SMAP1: variants seen among roughly 807,000 people sequenced by gnomAD.
SMAP1 encodes the protein stromal membrane-associated protein 1.
In SMAP1, 24 loss-of-function variants were observed where a neutral mutation model predicts 58.5. The observed-to-expected ratio is 0.41, with a 90% confidence interval of 0.30 to 0.58. The LOEUF is 0.58. Ranked by LOEUF, SMAP1 falls within the 20% of genes least tolerant of loss-of-function variation. SMAP1 has a pLI of 0.29. For missense variants in SMAP1, 563 were observed against 566.3 expected (o/e 0.99, Z 0.06); for synonymous variants, 216 against 196.6 (o/e 1.10, Z -0.82).
At chr6:70,723,108 GT>G (rs1768603615) in intron 1 of SMAP1, among the ~76,000 whole-genome samples, 1 of 152,078 alleles carries the variant, frequency 6.6e-6, no homozygotes, top group Non-Finnish European at 1.5e-5. Flanking sequence ...AGACTCTTTT[GT>G]TTGTTTGTTT....
At chr6:70,689,165 C>A (rs576347688) in intron 1 of SMAP1, among the ~76,000 whole-genome samples, 1 of 151,982 alleles carries the variant, frequency 6.6e-6, no homozygotes, top group Non-Finnish European at 1.5e-5. Flanking sequence ...TGCGCCACCA[C>A]GCCTGGCTAA....
At chr6:70,805,613 T>G (rs1372779624) in intron 6 of SMAP1, among the ~76,000 whole-genome samples, 1 of 152,198 alleles carries the variant, frequency 6.6e-6, no homozygotes, top group Admixed American at 6.5e-5. Flanking sequence ...GCTTTTCTGC[T>G]CTGGTTTCTT....
intron 1 of SMAP1, among the ~76,000 whole-genome samples, chr6:70,671,898 AG>A (rs917815706): frequency 2.0e-5 from 3 of 152,166 alleles, no homozygotes; most frequent in Non-Finnish European, 4.4e-5. Flanking sequence ...ATCTTTTGCT[AG>A]GTTTGATTTT....
intron 3 of SMAP1, among the ~76,000 whole-genome samples, chr6:70,758,986 T>A (rs1160453761): frequency 6.6e-6 from 1 of 151,988 alleles, no homozygotes; most frequent in East Asian, 1.9e-4. Context: ...GAAACATGAG[T>A]CTGGACCCTA....
chr6:70,773,381 G>T lies in SMAP1; in HGVS notation c.370G>T (p.Glu124Ter). Residue 124 changes from glutamate to a stop codon, truncating the protein, a stop_gained, in exon 4 of 11, where the codon GAA (glutamate) becomes TAA (stop). Coordinates refer to ENST00000370455, the MANE Select transcript of SMAP1 (RefSeq NM_001044305.3). LOFTEE classifies it high-confidence loss of function. ...AVEFFIRDKY[E>*]KKKYYDKNAI... ...GGAATTTTTCATCAGAGATAAATAT[G>T]AAAAGAAGAAATACTACGATAAAAA... The T allele has an allele frequency of 1.3e-6, 2 of 1,572,296 alleles. No individual in the cohort carries two copies. The highest frequency in any genetic ancestry group is 1.7e-6 in the Non-Finnish European group (2 of 1,150,000).
At chr6:70,756,196 G>A (rs1766483161) in intron 3 of SMAP1, among the ~76,000 whole-genome samples, 2 of 152,102 alleles carry the variant, frequency 1.3e-5, no homozygotes, top group African/African-American at 4.8e-5. Context: ...TCTGTTTGAA[G>A]GTAACATTTG....
chr6:70,681,464 C>T (rs1370653975), intron 1 of SMAP1, among the ~76,000 whole-genome samples: 4 of 152,136 alleles, frequency 2.6e-5, no homozygotes, highest in Non-Finnish European at 5.9e-5. Flanking sequence ...ATGTTGTTTA[C>T]TTCTTTCGCT....
At chr6:70,824,432 G>C (rs1196127975) in intron 6 of SMAP1, among the ~76,000 whole-genome samples, 1 of 151,980 alleles carries the variant, frequency 6.6e-6, no homozygotes, top group African/African-American at 2.4e-5. Context: ...GGAATAAAAA[G>C]TACCGTTAAA....
chr6:70,684,390 C>CTGAT lies in SMAP1; in HGVS notation c.118+16251_118+16254dup, dbSNP rs1766849046. 2.0e-5 allele frequency among the ~76,000 whole-genome samples: 3 copies of CTGAT among 152,078 alleles called. No individual in the cohort carries two copies. In the South Asian group the frequency reaches 6.2e-4, roughly 32 times the overall value. On this transcript the variant is annotated intron_variant, in intron 1 of 10. Coordinates refer to ENST00000370455, the MANE Select transcript of SMAP1 (RefSeq NM_001044305.3). ...TTGATCAGACTTTTGAAATTTTAAG[C>CTGAT]TGATTTTTTTAAGGATCCTAAGTCA... is the stretch of plus-strand genomic sequence containing the variant.
intron 1 of SMAP1, among the ~76,000 whole-genome samples, chr6:70,687,022 A>G (rs1318264188): frequency 1.3e-5 from 2 of 152,108 alleles, no homozygotes; most frequent in East Asian, 3.9e-4. Context: ...TGTAAGTTCT[A>G]GGTTTGTCCT....
Position 70,860,316 on chromosome 6 carries a change from C to A in SMAP1, c.1386C>A (p.Ser462Arg). The A allele has an allele frequency of 6.2e-7, 1 of 1,610,330 alleles. No individual in the cohort carries two copies. The highest frequency in any genetic ancestry group is 8.5e-7 in the Non-Finnish European group (1 of 1,179,026). Residue 462 changes from serine (S) to arginine (R), a missense_variant, in exon 11 of 11, where the codon AGC becomes AGA. Ser to Arg is a moderately radical substitution (Grantham distance 110). This residue lies in a region of SMAP1 where 494 missense variants were observed against 473.8 expected (regional missense o/e 1.04). Coordinates refer to ENST00000370455, the MANE Select transcript of SMAP1 (RefSeq NM_001044305.3). Reference sequence around the variant, plus strand: ...GAAGCTCATCAGGTCAGACTCTCAGCACACAACTGTGGAAATGAAAACTGC... The same window carrying A: ...GAAGCTCATCAGGTCAGACTCTCAGAACACAACTGTGGAAATGAAAACTGC... ...WSGSSSGQTLSTQLWK is the reference protein window; with the variant it reads ...WSGSSSGQTLRTQLWK
At chr6:70,834,890 G>A (rs1037691039) in intron 6 of SMAP1, among the ~76,000 whole-genome samples, 3 of 152,140 alleles carry the variant, frequency 2.0e-5, no homozygotes, top group African/African-American at 7.2e-5. Flanking sequence ...AATGTGAAAT[G>A]GATTATGTTA....
At chr6:70,769,703 T>A (rs1340972975) in intron 3 of SMAP1, among the ~76,000 whole-genome samples, 1 of 152,236 alleles carries the variant, frequency 6.6e-6, no homozygotes, top group Admixed American at 6.5e-5. Context: ...TGACTCTTTA[T>A]CCATTTTGCC....
At chr6:70,840,846 C>A (rs1054714450) in intron 7 of SMAP1, among the ~76,000 whole-genome samples, 8 of 152,122 alleles carry the variant, frequency 5.3e-5, no homozygotes, top group African/African-American at 1.9e-4. Context: ...TCTGAATGTA[C>A]CAGATTTGAA....
intron 1 of SMAP1, among the ~76,000 whole-genome samples, chr6:70,680,941 A>T (rs1426200703): frequency 6.6e-6 from 1 of 151,476 alleles, no homozygotes; most frequent in Non-Finnish European, 1.5e-5. Context: ...CTGGTCTCGA[A>T]CTCCTGACTC....
chr6:70,695,590 T>C (rs1210256218), intron 1 of SMAP1, among the ~76,000 whole-genome samples: 1 of 152,232 alleles, frequency 6.6e-6, no homozygotes, highest in African/African-American at 2.4e-5. Flanking sequence ...TCACATTGGT[T>C]AATTTGCATA....
chr6:70,799,171 T>A (rs1768736676), intron 6 of SMAP1, among the ~76,000 whole-genome samples: 1 of 152,146 alleles, frequency 6.6e-6, no homozygotes, highest in African/African-American at 2.4e-5. Context: ...GAGAACAGCC[T>A]GAAGAATGTA....
At chr6:70,786,215 C>G (rs1263991290) in intron 4 of SMAP1, among the ~76,000 whole-genome samples, 1 of 149,890 alleles carries the variant, frequency 6.7e-6, no homozygotes, top group Non-Finnish European at 1.5e-5. Context: ...ATGATTATCT[C>G]AATAGATGCA....
At chr6:70,812,664 A>G (rs944949167) in intron 6 of SMAP1, among the ~76,000 whole-genome samples, 3 of 152,220 alleles carry the variant, frequency 2.0e-5, no homozygotes, top group Admixed American at 6.6e-5. Context: ...CTAAAAAATT[A>G]AAAGATAATC....
Sources: allele counts gnomAD v4.1 joint callset (sites outside exome capture counted in the v4.1 genomes callset), GRCh38; gene constraint gnomAD v4.1.1; regional missense constraint gnomAD v4.1.1; transcripts MANE v1.5; gene names NCBI Gene and HGNC (gene_info 2026-07-23, HGNC 2026-07-21).